CRPPA: variants seen among roughly 807,000 people sequenced by gnomAD.
CRPPA encodes the protein CDP-L-ribitol pyrophosphorylase A, also known as D-ribitol-5-phosphate cytidylyltransferase.
In CRPPA, 43 loss-of-function variants were observed where a neutral mutation model predicts 52.0. The observed-to-expected ratio is 0.83, with a 90% CI of 0.65 to 1.07. The LOEUF (loss-of-function observed/expected upper bound fraction) is 1.07. Ranked by LOEUF, CRPPA falls within the 50% of genes least tolerant of loss-of-function variation. The pLI, the probability that CRPPA is intolerant of heterozygous loss-of-function variation, is 0.00. For synonymous variants in CRPPA, 250 were observed against 203.5 expected, an observed-to-expected ratio of 1.23 and a Z score of -1.94; for missense variants, 629 against 551.7, an observed-to-expected ratio of 1.14 and a Z score of -1.40.
At chr7:16,396,177 G>A (rs2128315752) in intron 2 of CRPPA, among the ~76,000 whole-genome samples, 1 of 152,254 alleles carries the variant, frequency 6.6e-6, no homozygotes, top group South Asian at 2.1e-4. Flanking sequence ...TTATCCCCAT[G>A]CAGAAGCCAG....
intron 9 of CRPPA, among the ~76,000 whole-genome samples, chr7:16,134,628 G>C (rs551073027): frequency 1.3e-5 from 2 of 152,220 alleles, no homozygotes; most frequent in South Asian, 4.2e-4. Context: ...TTGTTCAAGG[G>C]TATAATAATC....
chr7:16,184,167 T>G (rs1339006626), intron 9 of CRPPA, among the ~76,000 whole-genome samples: 1 of 152,000 alleles, frequency 6.6e-6, no homozygotes, highest in Non-Finnish European at 1.5e-5. Context: ...GGTCTCAATC[T>G]CCTGACCTCA....
chr7:16,296,351 C>A (rs1028730717), intron 5 of CRPPA, among the ~76,000 whole-genome samples: 3 of 151,908 alleles, frequency 2.0e-5, no homozygotes, highest in Admixed American at 1.3e-4. Context: ...CATACTAAAC[C>A]AAAGATGTTG....
At chr7:16,297,611 A>G (rs1784701592) in intron 5 of CRPPA, among the ~76,000 whole-genome samples, 1 of 152,238 alleles carries the variant, frequency 6.6e-6, no homozygotes, top group Admixed American at 6.5e-5. Flanking sequence ...ACAGTGTTGC[A>G]GGCAATGCTG....
At chr7:16,175,338 A>G (rs1026373355) in intron 9 of CRPPA, among the ~76,000 whole-genome samples, 1 of 152,160 alleles carries the variant, frequency 6.6e-6, no homozygotes, top group Non-Finnish European at 1.5e-5. Context: ...ATCTCTCACT[A>G]TACTGTTTGT....
intron 8 of CRPPA, among the ~76,000 whole-genome samples, chr7:16,257,922 T>A (rs1783686765): frequency 6.6e-6 from 1 of 152,118 alleles, no homozygotes; most frequent in Admixed American, 6.6e-5. Context: ...AGGCCATTCT[T>A]CCAGGAATTC....
At chr7:16,202,215 T>C (rs570387940) in intron 9 of CRPPA, among the ~76,000 whole-genome samples, 8 of 152,300 alleles carry the variant, frequency 5.3e-5, no homozygotes, top group Middle Eastern at 3.4e-3. Context: ...TTATGAATGA[T>C]ACTAGCCTAC....
intron 3 of CRPPA, among the ~76,000 whole-genome samples, chr7:16,320,953 G>C (rs906886756): frequency 2.6e-5 from 4 of 152,054 alleles, no homozygotes; most frequent in Non-Finnish European, 5.9e-5. Context: ...GAATGATCTG[G>C]CTAAGGATAA....
At chr7:16,276,385 G>A (rs1784204651) in intron 6 of CRPPA, among the ~76,000 whole-genome samples, 1 of 152,120 alleles carries the variant, frequency 6.6e-6, no homozygotes, top group East Asian at 1.9e-4. Flanking sequence ...GACTTTAAAG[G>A]AAAAGAATTA....
At chr7:16,139,699 T>C (rs1782830554) in intron 9 of CRPPA, among the ~76,000 whole-genome samples, 1 of 152,134 alleles carries the variant, frequency 6.6e-6, no homozygotes, top group African/African-American at 2.4e-5. Context: ...TTTTGCCTGG[T>C]ATATAGTAAA....
intron 8 of CRPPA, among the ~76,000 whole-genome samples, chr7:16,238,949 C>G (rs189212671): frequency 6.6e-6 from 1 of 151,782 alleles, no homozygotes; most frequent in Non-Finnish European, 1.5e-5. Flanking sequence ...ACCAGCCTGG[C>G]CAAAATGGTG....
intron 9 of CRPPA, among the ~76,000 whole-genome samples, chr7:16,177,685 T>C (rs1405160819): frequency 6.6e-6 from 1 of 152,168 alleles, no homozygotes; most frequent in South Asian, 2.1e-4. Flanking sequence ...GAGCAATTAA[T>C]TGTAGGAAAA....
chr7:16,099,317 A>T lies in CRPPA; in HGVS notation c.1252-7518T>A, dbSNP rs73291842. ...AAAGAAAAAAAGGAAAGGGAAGGAA[A>T]AAACAAAGGAAAAAAGGGAAGGGAC... On this transcript the variant is annotated intron_variant, in intron 9 of 9. Transcript: ENST00000407010. Among the ~76,000 whole-genome samples the T allele has an allele frequency of 2.9e-3, 441 of 150,000 alleles. 2 individuals are homozygous for T. The highest frequency in any genetic ancestry group is 0.011 in the African/African-American group (430 of 40,814).
chr7:16,376,062 G>A (rs1326062117), intron 3 of CRPPA, 30 bp downstream of exon 3: 1 of 1,547,190 alleles, frequency 6.5e-7, no homozygotes, highest in South Asian at 1.2e-5. Context: ...TGACATAACA[G>A]CAGCTTATTC....
intron 8 of CRPPA, among the ~76,000 whole-genome samples, chr7:16,241,946 CTTTTTTTT>C (rs71549979): frequency 5.4e-5 from 3 of 55,378 alleles, no homozygotes; most frequent in Non-Finnish European, 7.2e-5. Context: ...AAAATCTATT[CTTTTTTTT>C]TTTTTTTTTT....
At chr7:16,157,810 A>T (rs1487013412) in intron 9 of CRPPA, among the ~76,000 whole-genome samples, 1 of 152,014 alleles carries the variant, frequency 6.6e-6, no homozygotes, top group Non-Finnish European at 1.5e-5. Flanking sequence ...ATGCCCTTGA[A>T]CATACCATGC....
chr7:16,398,805 T>C (rs1265102368), intron 2 of CRPPA, among the ~76,000 whole-genome samples: 2 of 152,164 alleles, frequency 1.3e-5, no homozygotes, highest in Non-Finnish European at 2.9e-5. Flanking sequence ...ATTAACATGA[T>C]TGAAACGTGA....
chr7:16,346,247 T>C (rs1053978521), intron 3 of CRPPA, among the ~76,000 whole-genome samples: 1 of 151,912 alleles, frequency 6.6e-6, no homozygotes, highest in Non-Finnish European at 1.5e-5. Context: ...AACAGACAAG[T>C]AAAAACAAAC....
chr7:16,111,853 G>A (rs1007578440), intron 9 of CRPPA, among the ~76,000 whole-genome samples: 1 of 152,106 alleles, frequency 6.6e-6, no homozygotes, highest in African/African-American at 2.4e-5. Context: ...TTGCAATGTG[G>A]TGAATATAGT....
Sources: allele counts gnomAD v4.1 joint callset (sites outside exome capture counted in the v4.1 genomes callset), GRCh38; gene constraint gnomAD v4.1.1; transcripts MANE v1.5; gene names NCBI Gene and HGNC (gene_info 2026-07-23, HGNC 2026-07-21).